AGAP1: variants seen among roughly 807,000 people sequenced by gnomAD.
AGAP1 encodes arf-GAP with GTPase, ANK repeat and PH domain-containing protein 1.
AGAP1 carries 29 observed loss-of-function variants against 105.3 expected under a neutral mutation model. That is an observed-to-expected ratio of 0.28 (90% CI 0.21 to 0.38). The LOEUF is 0.38. AGAP1 is among the 10% of genes least tolerant of loss of function. The probability of loss-of-function intolerance (pLI) is 1.00; values close to 1 mark genes in which losing one functional copy is unlikely to be tolerated. For synonymous variants in AGAP1, 509 were observed against 485.9 expected (o/e 1.05, Z -0.63); for missense variants, 998 against 1,165.1 (o/e 0.86, Z 2.09).
rs576836947 is a variant in AGAP1 at position 235,642,123 on chromosome 2, C to G, written c.164-67056C>G. On this transcript the variant is annotated intron_variant, in intron 1 of 17. Transcript: ENST00000304032. The surrounding 1 kb of genome is among the most constrained non-coding windows in gnomAD (Gnocchi z 4.1). Reference sequence around the variant, plus strand: ...GTTTTTACCTTACTTCCCCAGGGGCCCTCCAGAGGGTGCCCATCCACGGAG... The same window carrying G: ...GTTTTTACCTTACTTCCCCAGGGGCGCTCCAGAGGGTGCCCATCCACGGAG... Among the ~76,000 whole-genome samples, 1 of 152,350 alleles carries G rather than the reference C, an allele frequency of 6.6e-6. No homozygotes were observed. The highest frequency in any genetic ancestry group is 2.1e-4 in the South Asian group (1 of 4,824).
rs544179781 is a variant in AGAP1, at chr2:235,865,241, G to T, written c.1051-18104G>T. ...ATTTGTGGGTGATTAGCTCCTGGCC[G>T]AATCCAGTCCCGGCCGGCGCTTTGA... On this transcript the variant is annotated intron_variant, in intron 9 of 17. Transcript: ENST00000304032. The surrounding 1 kb of genome is among the most constrained non-coding windows in gnomAD (Gnocchi z 6.2). 6.6e-6 allele frequency among the ~76,000 whole-genome samples: 1 copy of T among 152,138 alleles called. No homozygotes were observed. Among genetic ancestry groups the T allele is most frequent in the Admixed American group, 6.5e-5 (1 of 15,270 alleles).
In AGAP1 at chr2:236,123,437, T is replaced by C. The variant is rs1160277295; in HGVS notation, c.2371-482T>C. On this transcript the variant is annotated intron_variant, in intron 17 of 17. Transcript: ENST00000304032. The surrounding 1 kb of genome is among the most constrained non-coding windows in gnomAD (Gnocchi z 4.6). ...AATACAAATTATTTGTACAGTCTTATCTCAATTATGTACATATACATGTAG... is the reference window on the plus strand; with the variant it reads ...AATACAAATTATTTGTACAGTCTTACCTCAATTATGTACATATACATGTAG... Among the ~76,000 whole-genome samples the C allele has an allele frequency of 6.6e-6, 1 of 152,190 alleles. No homozygotes were observed. Among genetic ancestry groups the C allele is most frequent in the East Asian group, 1.9e-4 (1 of 5,202 alleles).
chr2:236,071,632 C>T (rs1458441061), intron 16 of AGAP1, among the ~76,000 whole-genome samples: 43 of 152,248 alleles, frequency 2.8e-4, no homozygotes, highest in Non-Finnish European at 5.9e-5. Context: ...CCTGCCTGAT[C>T]TGCGGTGGAC....
At chr2:235,667,431 G>GCA (rs1229850568) in intron 1 of AGAP1, among the ~76,000 whole-genome samples, 1 of 152,032 alleles carries the variant, frequency 6.6e-6, no homozygotes, top group Non-Finnish European at 1.5e-5. Flanking sequence ...TATCAACAAA[G>GCA]CAGAATGCTG....
chr2:236,030,212 C>T (rs1401700498), intron 13 of AGAP1, among the ~76,000 whole-genome samples: 3 of 152,116 alleles, frequency 2.0e-5, no homozygotes, highest in African/African-American at 7.2e-5. Flanking sequence ...GGGGTCTCAC[C>T]ATGTTGACCA....
rs2054852453 is a variant in AGAP1 at position 235,976,229 on chromosome 2, A to G, written c.1645+7606A>G. Among the ~76,000 whole-genome samples, 1 of 152,188 alleles carries G rather than the reference A, an allele frequency of 6.6e-6. No homozygotes were observed. The highest frequency in any genetic ancestry group is 1.9e-4 in the East Asian group (1 of 5,186). On this transcript the variant is annotated intron_variant, in intron 13 of 17. Transcript: ENST00000304032. The surrounding 1 kb of genome is among the most constrained non-coding windows in gnomAD (Gnocchi z 4.5). ...CAAACTAGATGACTTTTCCAAAGACAGTTTGCTCTCAGGTTGTAACTCCAG... is the reference window on the plus strand; with the variant it reads ...CAAACTAGATGACTTTTCCAAAGACGGTTTGCTCTCAGGTTGTAACTCCAG...
chr2:235,853,094 G>A (rs1238669120), intron 9 of AGAP1: 27 of 1,229,282 alleles, frequency 2.2e-5, no homozygotes, highest in Admixed American at 4.2e-5. Flanking sequence ...GAGCGTTTAC[G>A]CTCTTTCTTT....
chr2:235,760,609 A>T (rs1185476052), intron 6 of AGAP1, among the ~76,000 whole-genome samples: 3 of 152,174 alleles, frequency 2.0e-5, no homozygotes, highest in African/African-American at 7.2e-5. Context: ...TAATTGAGAC[A>T]GGATCTCGAT....
intron 13 of AGAP1, among the ~76,000 whole-genome samples, chr2:236,006,368 G>A (rs1576036569): frequency 6.6e-6 from 1 of 152,196 alleles, no homozygotes; most frequent in Non-Finnish European, 1.5e-5. Context: ...AGAAACCAGT[G>A]TCTTGGAGCT....
chr2:236,060,402 G>T (rs2058158400), intron 16 of AGAP1, among the ~76,000 whole-genome samples: 1 of 152,064 alleles, frequency 6.6e-6, no homozygotes. Context: ...ATAAAGAACG[G>T]TTACAGGTGG....
chr2:236,111,175 G>C (rs1367440075), intron 16 of AGAP1, among the ~76,000 whole-genome samples: 2 of 152,156 alleles, frequency 1.3e-5, no homozygotes, highest in Admixed American at 1.3e-4. Flanking sequence ...AGCAGACTTT[G>C]TTGATAAATC....
intron 6 of AGAP1, among the ~76,000 whole-genome samples, chr2:235,758,904 C>T (rs529320167): frequency 5.9e-5 from 9 of 152,292 alleles, no homozygotes; most frequent in East Asian, 3.9e-4. Context: ...GCCGTCCTCC[C>T]GCCCCAGCCT....
In AGAP1 at chr2:235,967,491, T is replaced by C. The variant is rs2054454169; in HGVS notation, c.1484-971T>C. 5.3e-5 allele frequency among the ~76,000 whole-genome samples: 8 copies of C among 152,312 alleles called. No homozygotes were observed. In the South Asian group the frequency reaches 1.7e-3, roughly 32 times the overall value. On this transcript the variant is annotated intron_variant, in intron 12 of 17. Coordinates refer to ENST00000304032, the MANE Select transcript of AGAP1 (RefSeq NM_001037131.3). The surrounding 1 kb of genome is among the most constrained non-coding windows in gnomAD (Gnocchi z 4.7). Reference sequence around the variant, plus strand: ...GTCCCCATTGGGGCAGGAATGTTTATCTGTTTCTCCTCGATCAATGATGGC... The same window carrying C: ...GTCCCCATTGGGGCAGGAATGTTTACCTGTTTCTCCTCGATCAATGATGGC...
chr2:235,684,408 G>T (rs981366860), intron 1 of AGAP1, among the ~76,000 whole-genome samples: 2 of 152,098 alleles, frequency 1.3e-5, no homozygotes, highest in Admixed American at 6.6e-5. Context: ...GCAAGCCCTA[G>T]GCTTCATTCT....
chr2:235,510,883 C>T (rs1272772484), intron 1 of AGAP1, among the ~76,000 whole-genome samples: 1 of 150,746 alleles, frequency 6.6e-6, no homozygotes, highest in Admixed American at 6.7e-5. Flanking sequence ...GTCGCAAAAT[C>T]CAAGGGAGCA....
Position 235,973,746 on chromosome 2 carries a change from C to T in AGAP1, c.1645+5123C>T, listed in dbSNP as rs1290218605. Among the ~76,000 whole-genome samples the T allele has an allele frequency of 2.6e-5, 4 of 152,148 alleles. No individual in the cohort carries two copies. Among genetic ancestry groups the T allele is most frequent in the African/African-American group, 4.8e-5 (2 of 41,432 alleles). ...ATTAAAAGCTCTAGAAAAAGCTCTA[C>T]GAACCAGGGCCACCTGAGAGGGAGT... On this transcript the variant is annotated intron_variant, in intron 13 of 17. Transcript: ENST00000304032. This position sits in a 1 kb window ranked among gnomAD's most constrained non-coding sequence, Gnocchi z 4.7.
At chr2:235,810,981 T>TTG (rs1958108499) in intron 9 of AGAP1, among the ~76,000 whole-genome samples, 1 of 151,940 alleles carries the variant, frequency 6.6e-6, no homozygotes, top group African/African-American at 2.4e-5. Flanking sequence ...ACATACATAA[T>TTG]CACTTGATTG....
intron 11 of AGAP1, among the ~76,000 whole-genome samples, chr2:235,920,253 G>A (rs545797327): frequency 1.4e-4 from 22 of 152,232 alleles, no homozygotes; most frequent in African/African-American, 4.8e-4. Flanking sequence ...TTACTTAAAT[G>A]AGAACTTAGC....
At chr2:235,497,671 A>G (rs1941377651) in intron 1 of AGAP1, among the ~76,000 whole-genome samples, 1 of 152,186 alleles carries the variant, frequency 6.6e-6, no homozygotes, top group Non-Finnish European at 1.5e-5. Context: ...ATCTCGGCTC[A>G]CTGCAGGCTC....
Sources: allele counts gnomAD v4.1 joint callset (sites outside exome capture counted in the v4.1 genomes callset), GRCh38; gene constraint gnomAD v4.1.1; non-coding constraint Gnocchi (gnomAD v3.1); transcripts MANE v1.5; gene names NCBI Gene and HGNC (gene_info 2026-07-23, HGNC 2026-07-21).